GUCY1A1: variants seen among roughly 807,000 people sequenced by gnomAD.
The protein encoded by GUCY1A1 is guanylate cyclase soluble subunit alpha-1.
GUCY1A1 carries 48 observed loss-of-function variants against 64.5 expected under a neutral mutation model. The observed-to-expected ratio is 0.74, with a 90% confidence interval of 0.59 to 0.95. The LOEUF is 0.95. Among genes scored for constraint, GUCY1A1 ranks in the 40% least tolerant of loss-of-function variants. The probability of loss-of-function intolerance (pLI) is 0.00; values close to 1 mark genes in which losing one functional copy is unlikely to be tolerated. For synonymous variants in GUCY1A1, 308 were observed against 303.4 expected, an observed-to-expected ratio of 1.02 and a Z score of -0.16; for missense variants, 804 against 825.3, an observed-to-expected ratio of 0.97 and a Z score of 0.32.
chr4:155,713,050 A>G (rs780485200), intron 6 of GUCY1A1, 48 bp from the exon 7 acceptor site: 2 of 1,514,910 alleles, frequency 1.3e-6, no homozygotes, highest in Admixed American at 1.9e-5. Flanking sequence ...TCTCAGAAAG[A>G]TGTGGGAAAC....
intron 2 of GUCY1A1, among the ~76,000 whole-genome samples, chr4:155,688,058 C>T (rs1236989821): frequency 6.6e-6 from 1 of 151,520 alleles, no homozygotes; most frequent in Non-Finnish European, 1.5e-5. Context: ...CCCGTCTCTA[C>T]TAAAAATACA....
At chr4:155,690,413 C>T (rs1729579072) in intron 2 of GUCY1A1, among the ~76,000 whole-genome samples, 1 of 152,162 alleles carries the variant, frequency 6.6e-6, no homozygotes, top group Non-Finnish European at 1.5e-5. Context: ...ATTTTTCATT[C>T]TACATTCCAA....
chr4:155,721,977 A>G lies in GUCY1A1; in HGVS notation c.1717-61A>G, dbSNP rs1734016855. ...ATAATTTAGACGGTATTCAAACGAC[A>G]CTGACGAGTAGGAAGTGTTTTACCA... On this transcript the variant is annotated intron_variant, in intron 8 of 9. Transcript: ENST00000506455. 4 of 1,137,368 alleles carry G rather than the reference A, an allele frequency of 3.5e-6. No individual in the cohort carries two copies. In the East Asian group the frequency reaches 7.0e-5, roughly 20 times the overall value. 70.5% of individuals were successfully genotyped at this position (1,137,368 alleles called of 1,614,324 possible).
rs1391307393 is a variant in GUCY1A1, at chr4:155,732,049, A to G, written c.*1818A>G. On this transcript the variant is annotated 3_prime_UTR_variant, in exon 10 of 10. Transcript: ENST00000506455. Reference sequence around the variant, plus strand: ...AATACATTTTTCTTTCTGGAACCGAACTCTTATTATGGGGAAATAATAGAA... The same window carrying G: ...AATACATTTTTCTTTCTGGAACCGAGCTCTTATTATGGGGAAATAATAGAA... 1 of 151,770 alleles carries G rather than the reference A, an allele frequency of 6.6e-6. No individual in the cohort carries two copies. Among genetic ancestry groups the G allele is most frequent in the Non-Finnish European group, 1.5e-5 (1 of 67,828 alleles). The allele number at this position is 151,770 out of a possible 1,614,324, so 9.4% of individuals were successfully genotyped here. A position where few individuals can be genotyped will look rare whatever the true frequency, so the allele number is the denominator to read the frequency against.
chr4:155,720,368 T>TATCTATCTATCC (rs978345216), intron 8 of GUCY1A1, among the ~76,000 whole-genome samples: 17 of 138,774 alleles, frequency 1.2e-4, no homozygotes, highest in Admixed American at 2.2e-4. Context: ...TCTATCTATC[T>TATCTATCTATCC]ATCTATCTAT....
chr4:155,710,725 AC>A lies in GUCY1A1; in HGVS notation c.561del (p.Asp187GlufsTer27). The A allele has an allele frequency of 1.2e-6, 2 of 1,614,160 alleles. No homozygotes were observed. The highest frequency in any genetic ancestry group is 1.7e-6 in the Non-Finnish European group (2 of 1,180,010). ...QEAGKRGRLE[D>X]ASILCLDKED... is the part of the protein sequence containing the mutation. ...GCAGGAAAAAGGGGCAGGCTTGAGG[AC>A]GCCTCCATTCTATGCCTGGATAAGG... On this transcript the variant is annotated frameshift_variant, in exon 6 of 10. Transcript: ENST00000506455. LOFTEE classifies it high-confidence loss of function.
At chr4:155,716,480 G>T (rs1228199788) in intron 7 of GUCY1A1, among the ~76,000 whole-genome samples, 1 of 152,132 alleles carries the variant, frequency 6.6e-6, no homozygotes, top group Non-Finnish European at 1.5e-5. Context: ...TAATGATGAT[G>T]ATAATGATAA....
intron 2 of GUCY1A1, among the ~76,000 whole-genome samples, chr4:155,694,609 G>A (rs368426781): frequency 2.3e-4 from 35 of 152,296 alleles, no homozygotes; most frequent in African/African-American, 7.5e-4. Flanking sequence ...AAACAAGGTT[G>A]TATTGGAACA....
At chr4:155,706,435 A>G (rs1199192192) in intron 4 of GUCY1A1, among the ~76,000 whole-genome samples, 1 of 152,040 alleles carries the variant, frequency 6.6e-6, no homozygotes, top group African/African-American at 2.4e-5. Flanking sequence ...TGTGCTGCTT[A>G]TTCTCTTCTA....
chr4:155,715,262 A>C (rs1359628397), intron 7 of GUCY1A1, among the ~76,000 whole-genome samples: 1 of 152,182 alleles, frequency 6.6e-6, no homozygotes, highest in African/African-American at 2.4e-5. Flanking sequence ...AAAATGTATA[A>C]TCGTAGCCTA....
At chr4:155,701,639 A>G (rs1354940989) in intron 3 of GUCY1A1, among the ~76,000 whole-genome samples, 1 of 152,020 alleles carries the variant, frequency 6.6e-6, no homozygotes, top group Admixed American at 6.6e-5. Flanking sequence ...TCCCTGGCCC[A>G]CAAAATGTTC....
Position 155,730,479 on chromosome 4 carries a change from C to A in GUCY1A1, c.*248C>A. 2.9e-6 allele frequency: 1 copy of A among 341,530 alleles called. No homozygotes were observed. The highest frequency in any genetic ancestry group is 5.2e-5 in the South Asian group (1 of 19,080). The allele number at this position is 341,530 out of a possible 1,614,324, so 21.2% of individuals were successfully genotyped here. On this transcript the variant is annotated 3_prime_UTR_variant, in exon 10 of 10. Coordinates refer to ENST00000506455, the MANE Select transcript of GUCY1A1 (RefSeq NM_001130682.3). ...GGGAGTATTTCTATTATATAACCAG[C>A]ACTTACTACCTGTACTCAAAATTCA...
intron 9 of GUCY1A1, among the ~76,000 whole-genome samples, chr4:155,723,819 C>T (rs1050445036): frequency 2.0e-5 from 3 of 151,928 alleles, no homozygotes; most frequent in African/African-American, 4.8e-5. Flanking sequence ...CCCGCCTCCA[C>T]GTCTGGCTAA....
At chr4:155,718,713 G>A (rs1169611226) in intron 8 of GUCY1A1, among the ~76,000 whole-genome samples, 1 of 152,086 alleles carries the variant, frequency 6.6e-6, no homozygotes, top group Admixed American at 6.6e-5. Context: ...TTTTTATGAG[G>A]TGGTTCATGT....
chr4:155,679,441 G>A (rs77967645), intron 2 of GUCY1A1, among the ~76,000 whole-genome samples: 57 of 152,340 alleles, frequency 3.7e-4, no homozygotes, highest in African/African-American at 1.3e-3. Flanking sequence ...GCATGAGGCT[G>A]CTTCCACTCA....
chr4:155,668,491 C>G (rs1733666039), intron 2 of GUCY1A1, among the ~76,000 whole-genome samples: 1 of 152,064 alleles, frequency 6.6e-6, no homozygotes, highest in Non-Finnish European at 1.5e-5. Flanking sequence ...ATGGTAATTT[C>G]ACTAAATGCC....
At chr4:155,723,051 A>G (rs927720076) in intron 9 of GUCY1A1, among the ~76,000 whole-genome samples, 4 of 152,078 alleles carry the variant, frequency 2.6e-5, no homozygotes, top group African/African-American at 9.7e-5. Context: ...TATCCACAAG[A>G]TTGATTTTTC....
At chr4:155,670,674 A>C (rs1211110434) in intron 2 of GUCY1A1, among the ~76,000 whole-genome samples, 1 of 152,160 alleles carries the variant, frequency 6.6e-6, no homozygotes, top group East Asian at 1.9e-4. Context: ...ACTCTGGAGC[A>C]GGCTCTTCCT....
chr4:155,712,989 G>A, intron 6 of GUCY1A1, 109 bp from the exon 7 acceptor site: 2 of 881,046 alleles, frequency 2.3e-6, no homozygotes, highest in Non-Finnish European at 3.5e-6. Context: ...TTCCTTTTCA[G>A]CAGGTTTAAA....
Sources: allele counts gnomAD v4.1 joint callset (sites outside exome capture counted in the v4.1 genomes callset), GRCh38; gene constraint gnomAD v4.1.1; transcripts MANE v1.5; gene names NCBI Gene and HGNC (gene_info 2026-07-23, HGNC 2026-07-21).